Variants in SLC9A7 observed in about 807,000 individuals in gnomAD.
SLC9A7 encodes sodium/hydrogen exchanger 7.
Under a neutral mutation model 52.6 loss-of-function variants are expected in SLC9A7, and 19 were observed. The observed-to-expected ratio is 0.36, with a 90% CI of 0.25 to 0.53. SLC9A7 has a LOEUF of 0.53. Ranked by LOEUF, SLC9A7 falls within the 20% of genes least tolerant of loss-of-function variation. The pLI is 0.91. For missense variants in SLC9A7, 455 were observed against 597.9 expected (o/e 0.76, Z 2.49); for synonymous variants, 226 against 252.1 (o/e 0.90, Z 0.98).
At chrX:46,757,559 G>A (rs965599030) in intron 1 of SLC9A7, among the ~76,000 whole-genome samples, 2 of 112,546 alleles carry the variant, frequency 1.8e-5, no homozygotes, top group Admixed American at 9.4e-5. Context: ...CTCTATCAGG[G>A]CACCTGGATG....
In SLC9A7 at chrX:46,672,533, T is replaced by A. The variant is rs780348653; in HGVS notation, c.680+18A>T. The A allele has an allele frequency of 8.5e-7, 1 of 1,171,646 alleles. No individual in the cohort carries two copies. Among genetic ancestry groups the A allele is most frequent in the Non-Finnish European group, 1.2e-6 (1 of 859,574 alleles). Reference sequence around the variant, plus strand: ...TGGAACGTGTGTTAATTTGGTTATATGACAAAGGTTCACTTACCCAATAAT... The same window carrying A: ...TGGAACGTGTGTTAATTTGGTTATAAGACAAAGGTTCACTTACCCAATAAT... On this transcript the variant is annotated intron_variant, in intron 4 of 16. Coordinates refer to ENST00000616978, the MANE Select transcript of SLC9A7 (RefSeq NM_001257291.2).
chrX:46,731,432 T>TATAAAAAAAAAAA (rs748259550), intron 1 of SLC9A7, among the ~76,000 whole-genome samples: 1 of 78,248 alleles, frequency 1.3e-5, no homozygotes, highest in African/African-American at 4.0e-5. Flanking sequence ...TATAAAAAAT[T>TATAAAAAAAAAAA]AAAAAAAATT....
intron 13 of SLC9A7, among the ~76,000 whole-genome samples, chrX:46,635,132 A>C (rs1943297953): frequency 8.9e-6 from 1 of 112,318 alleles, no homozygotes; most frequent in Non-Finnish European, 1.9e-5. Flanking sequence ...TTGAAAAACT[A>C]TAATAGCAGT....
At chrX:46,725,502 A>G (rs1399340294) in intron 1 of SLC9A7, 13 of 994,766 alleles carry the variant, frequency 1.3e-5, no homozygotes, top group Non-Finnish European at 1.7e-5. Flanking sequence ...CATAGCATCA[A>G]CCGTGGTCTT....
At chrX:46,643,481 T>C in intron 11 of SLC9A7, 92 bp from the exon 12 acceptor site, 4 of 900,810 alleles carry the variant, frequency 4.4e-6, no homozygotes, top group Non-Finnish European at 6.2e-6. Flanking sequence ...TAATAAACTC[T>C]ATTCATTCAT....
rs1441028569 is a variant in SLC9A7, at chrX:46,662,612, A to G, written c.825T>C (p.His275=). The change falls in exon 6 of 17, where the codon CAT becomes CAC. Residue 275 remains histidine, a synonymous_variant. Coordinates refer to ENST00000616978, the MANE Select transcript of SLC9A7 (RefSeq NM_001257291.2). The stretch of plus-strand genomic sequence containing the variant: ...GAAGTGCGTAAAGATCCACGTCTGC[A>G]TGCAATTCATTAAATATCGCCAGCA... ...VTVLAIFNEL[H]ADVDLYALLF... is the part of the protein sequence containing the mutation. 9 of 1,209,451 alleles carry G rather than the reference A, an allele frequency of 7.4e-6. No homozygotes were observed. The highest frequency in any genetic ancestry group is 9.0e-6 in the Non-Finnish European group (8 of 893,525).
chrX:46,604,164 G>C lies in SLC9A7; in HGVS notation c.*2788C>G, dbSNP rs1942704097. On this transcript the variant is annotated 3_prime_UTR_variant, in exon 17 of 17. Transcript: ENST00000616978. ...GGACTCCAGCACACATATAATACAG[G>C]CCTCTGCCAGGCCTGGTAGCTGCTG... The C allele has an allele frequency of 8.9e-6, 1 of 112,138 alleles. No individual in the cohort carries two copies. Among genetic ancestry groups the C allele is most frequent in the African/African-American group, 3.2e-5 (1 of 30,814 alleles). The allele number at this position is 112,138 out of a possible 1,213,427, so 9.2% of individuals were successfully genotyped here.
chrX:46,756,332 AAAG>A (rs1158671167), intron 1 of SLC9A7, among the ~76,000 whole-genome samples: 1 of 112,281 alleles, frequency 8.9e-6, no homozygotes, highest in Non-Finnish European at 1.9e-5. Context: ...TACTATTAAA[AAAG>A]AGAAGTCTTG....
chrX:46,622,996 A>G (rs759018919), intron 14 of SLC9A7, among the ~76,000 whole-genome samples: 1 of 112,580 alleles, frequency 8.9e-6, no homozygotes, highest in African/African-American at 3.2e-5. Flanking sequence ...CTTTGTGAAA[A>G]GGGTGTTAAA....
At chrX:46,677,871 A>C (rs191797148) in intron 3 of SLC9A7, among the ~76,000 whole-genome samples, 1 of 112,104 alleles carries the variant, frequency 8.9e-6, no homozygotes, top group African/African-American at 3.2e-5. Flanking sequence ...TTATAAACTC[A>C]ATTTCTTTAA....
chrX:46,706,075 T>C (rs1053325500), intron 1 of SLC9A7, among the ~76,000 whole-genome samples: 7 of 108,552 alleles, frequency 6.4e-5, no homozygotes, highest in Non-Finnish European at 1.3e-4. Context: ...ACTGGGGAAA[T>C]GCGAACTCAC....
chrX:46,690,543 T>C (rs1260448302), intron 1 of SLC9A7, among the ~76,000 whole-genome samples: 2 of 112,258 alleles, frequency 1.8e-5, no homozygotes, highest in Non-Finnish European at 3.8e-5. Flanking sequence ...AAATATTTTC[T>C]ACCAGACTGT....
At chrX:46,672,754 C>T (rs1483900727) in intron 3 of SLC9A7, 127 bp from the exon 4 acceptor site, 2 of 477,157 alleles carry the variant, frequency 4.2e-6, no homozygotes, top group Non-Finnish European at 7.1e-6. Context: ...CAAGTAACAA[C>T]TGAAGTTACT....
At chrX:46,637,359 A>G (rs754253378) in intron 12 of SLC9A7, among the ~76,000 whole-genome samples, 2 of 112,428 alleles carry the variant, frequency 1.8e-5, no homozygotes, top group Non-Finnish European at 1.9e-5. Flanking sequence ...AAGTTCTTTT[A>G]AAATATCCAG....
chrX:46,744,820 T>C (rs1451195329), intron 1 of SLC9A7, among the ~76,000 whole-genome samples: 2 of 111,675 alleles, frequency 1.8e-5, no homozygotes, highest in African/African-American at 6.5e-5. Flanking sequence ...AGCTCCAAAG[T>C]CCCATCCCTC....
intron 1 of SLC9A7, among the ~76,000 whole-genome samples, chrX:46,732,880 A>G (rs946849218): frequency 8.9e-6 from 1 of 112,191 alleles, no homozygotes; most frequent in African/African-American, 3.2e-5. Context: ...AATACCACGC[A>G]GCTATGAAAG....
intron 1 of SLC9A7, among the ~76,000 whole-genome samples, chrX:46,708,572 A>T (rs1222728723): frequency 9.0e-6 from 1 of 111,459 alleles, no homozygotes; most frequent in East Asian, 2.8e-4. Flanking sequence ...AGTAAAATAC[A>T]AGTGGGGAGT....
chrX:46,714,840 G>T (rs1257334552), intron 1 of SLC9A7, among the ~76,000 whole-genome samples: 3 of 111,691 alleles, frequency 2.7e-5, no homozygotes, highest in Non-Finnish European at 5.6e-5. Context: ...AGTGTAGTGT[G>T]GAGTAGAGGA....
intron 11 of SLC9A7, among the ~76,000 whole-genome samples, chrX:46,647,855 C>G (rs1032884422): frequency 6.2e-5 from 7 of 112,868 alleles, no homozygotes; most frequent in Non-Finnish European, 1.3e-4. Context: ...AAGGTGGCTG[C>G]AACTCATTCT....
Sources: allele counts gnomAD v4.1 joint callset (sites outside exome capture counted in the v4.1 genomes callset), GRCh38; gene constraint gnomAD v4.1.1; transcripts MANE v1.5; gene names NCBI Gene and HGNC (gene_info 2026-07-23, HGNC 2026-07-21).